The following RYR2 variants were observed in gnomAD, a reference collection of about 807,000 sequenced individuals.
RYR2 encodes cardiac muscle ryanodine receptor-calcium release channel.
Under a neutral mutation model 601.1 loss-of-function variants are expected in RYR2, and 227 were observed. The observed-to-expected ratio is 0.38, with a 90% CI of 0.34 to 0.42. The LOEUF (loss-of-function observed/expected upper bound fraction) is 0.42. RYR2 is among the 10% of genes least tolerant of loss of function. RYR2 has a pLI of 1.00. For missense variants in RYR2, 4,646 were observed against 6,156.5 expected (o/e 0.75, Z 8.21); for synonymous variants, 2,223 against 2,175.1 (o/e 1.02, Z -0.61).
intron 80 of RYR2, among the ~76,000 whole-genome samples, chr1:237,749,239 C>T (rs1183374331): frequency 6.6e-6 from 1 of 152,184 alleles, no homozygotes; most frequent in East Asian, 1.9e-4. Context: ...TAAGAGCAGA[C>T]ACTCAGATGG....
At position 237,708,993 on chromosome 1, in the gene RYR2, G is replaced by A. The variant is rs1688603399; in HGVS notation, c.10037G>A (p.Gly3346Glu). The A allele has an allele frequency of 6.2e-7, 1 of 1,613,622 alleles. No homozygotes were observed. The highest frequency in any genetic ancestry group is 8.5e-7 in the Non-Finnish European group (1 of 1,179,768). ...GACCACCTGAAAGCTGAGGCCAGGG[G>A]GGACATGTCGGAGGCAGAACTCCTC... ...EEDHLKAEAR[G>E]DMSEAELLIL... The change falls in exon 69 of 105, where the codon GGG (glycine) becomes GAG (glutamate). Residue 3346 changes from glycine (G) to glutamate (E), a missense_variant. By Grantham distance (98) the Gly-to-Glu change is moderately conservative (BLOSUM62 -2). Coordinates refer to ENST00000366574, the MANE Select transcript of RYR2 (RefSeq NM_001035.3).
rs147315723 is a variant in RYR2, at chr1:237,150,222, C to G, written c.48+107653C>G. 2.4e-3 allele frequency among the ~76,000 whole-genome samples: 361 copies of G among 152,324 alleles called. 3 individuals carry two copies. Among genetic ancestry groups the G allele is most frequent in the African/African-American group, 8.3e-3 (347 of 41,568 alleles). On this transcript the variant is annotated intron_variant, in intron 1 of 104. Transcript: ENST00000366574. Reference sequence around the variant, plus strand: ...GAGTTGGGCCTCAAGCAAGACCTGTCTGACTTCAGAGGTCACAGTCTTGAT... The same window carrying G: ...GAGTTGGGCCTCAAGCAAGACCTGTGTGACTTCAGAGGTCACAGTCTTGAT...
intron 20 of RYR2, among the ~76,000 whole-genome samples, chr1:237,497,928 C>G (rs1475592976): frequency 6.6e-6 from 1 of 151,902 alleles, no homozygotes; most frequent in Non-Finnish European, 1.5e-5. Context: ...GTGGTGCAAT[C>G]TTGGCTCATT....
chr1:237,561,320 T>C (rs1401393548), intron 27 of RYR2, among the ~76,000 whole-genome samples: 1 of 152,194 alleles, frequency 6.6e-6, no homozygotes, highest in East Asian at 1.9e-4. Context: ...AACAGCATGC[T>C]TCATAGTAGG....
intron 56 of RYR2, among the ~76,000 whole-genome samples, chr1:237,665,735 T>C (rs933404810): frequency 6.6e-6 from 1 of 152,228 alleles, no homozygotes; most frequent in Non-Finnish European, 1.5e-5. Flanking sequence ...ATAGCATATG[T>C]AACACTCACT....
At chr1:237,791,211 GT>G in intron 92 of RYR2, among the ~76,000 whole-genome samples, 1 of 152,152 alleles carries the variant, frequency 6.6e-6, no homozygotes, top group South Asian at 2.1e-4. Context: ...CTGAAATTAT[GT>G]TTTTCACTTG....
At chr1:237,643,269 C>T (rs1681754903) in intron 47 of RYR2, 58 bp from the exon 48 acceptor site, 1 of 1,588,520 alleles carries the variant, frequency 6.3e-7, no homozygotes, top group East Asian at 2.3e-5. Flanking sequence ...ATTTCCTAGA[C>T]AGAATTGTAA....
At chr1:237,806,325 A>G (rs1382655413) in intron 99 of RYR2, 42 bp downstream of exon 99, 3 of 1,565,640 alleles carry the variant, frequency 1.9e-6, no homozygotes, top group Non-Finnish European at 2.6e-6. Context: ...AAAATAAAAA[A>G]GCAACAAATA....
intron 1 of RYR2, among the ~76,000 whole-genome samples, chr1:237,047,202 G>A (rs1660699206): frequency 6.6e-6 from 1 of 152,128 alleles, no homozygotes; most frequent in African/African-American, 2.4e-5. Flanking sequence ...TCTTTATAGA[G>A]TAGATTTAAA....
Position 237,178,459 on chromosome 1 carries a change from TG to T in RYR2, c.49-92037del, listed in dbSNP as rs1467823448. On this transcript the variant is annotated intron_variant, in intron 1 of 104. Coordinates refer to ENST00000366574, the MANE Select transcript of RYR2 (RefSeq NM_001035.3). ...GTGTGTGTGTGTGTGTGTGTGTGTG[TG>T]TGTGTGTGTTTAAAAGAGATCCCTC... 5.9e-4 allele frequency among the ~76,000 whole-genome samples: 87 copies of T among 146,968 alleles called. 1 individual carries two copies. The highest frequency in any genetic ancestry group is 2.1e-3 in the African/African-American group (81 of 38,038).
chr1:237,568,915 A>AT (rs990974687), intron 28 of RYR2, among the ~76,000 whole-genome samples: 4 of 152,138 alleles, frequency 2.6e-5, no homozygotes, highest in East Asian at 1.9e-4. Flanking sequence ...TAGATTTTGG[A>AT]TTTTTTTCCC....
intron 1 of RYR2, among the ~76,000 whole-genome samples, chr1:237,065,196 A>G (rs1215407131): frequency 6.6e-6 from 1 of 151,192 alleles, no homozygotes; most frequent in Non-Finnish European, 1.5e-5. Flanking sequence ...TTTATCACCC[A>G]TAGATTCATG....
At chr1:237,168,883 C>G (rs1366673506) in intron 1 of RYR2, among the ~76,000 whole-genome samples, 8 of 152,148 alleles carry the variant, frequency 5.3e-5, no homozygotes, top group Non-Finnish European at 1.0e-4. Context: ...CCGAGTCTTT[C>G]CTCCCCATGG....
chr1:237,549,349 A>G (rs1478647169), intron 26 of RYR2, among the ~76,000 whole-genome samples: 1 of 152,084 alleles, frequency 6.6e-6, no homozygotes, highest in Non-Finnish European at 1.5e-5. Context: ...CTAAGGTGGG[A>G]GGACTGCTTG....
chr1:237,444,858 A>G (rs757188354), intron 13 of RYR2, among the ~76,000 whole-genome samples: 16 of 152,242 alleles, frequency 1.1e-4, no homozygotes, highest in Non-Finnish European at 2.4e-4. Flanking sequence ...TAGATGATTT[A>G]TAAGCATTGT....
intron 99 of RYR2, among the ~76,000 whole-genome samples, chr1:237,806,519 A>T (rs1214150147): frequency 6.6e-6 from 1 of 152,160 alleles, no homozygotes; most frequent in Admixed American, 6.5e-5. Flanking sequence ...TACATACCTT[A>T]CCAGATTTTT....
At chr1:237,523,360 A>T (rs1474823791) in intron 24 of RYR2, among the ~76,000 whole-genome samples, 1 of 152,216 alleles carries the variant, frequency 6.6e-6, no homozygotes, top group Non-Finnish European at 1.5e-5. Context: ...AATCATACCA[A>T]TCCTAACAAA....
Position 237,655,836 on chromosome 1 carries a change from C to G in RYR2, c.7981C>G (p.Leu2661Val). Residue 2661 changes from leucine to valine, a missense_variant, in exon 53 of 105, where the codon CTT becomes GTT. By Grantham distance (32) the Leu-to-Val change is conservative. Transcript: ENST00000366574. ...TTTTTCCCAGAAATATGAACAAGAA[C>G]TTTTCAAACTGGCACTGCCTTGCCT... ...ALSQKKYEQE[L>V]FKLALPCLSA... 4 of 1,595,664 alleles carry G rather than the reference C, an allele frequency of 2.5e-6. No homozygotes were observed. The highest frequency in any genetic ancestry group is 3.4e-6 in the Non-Finnish European group (4 of 1,171,882).
chr1:237,377,598 T>A (rs1313397440), intron 8 of RYR2, among the ~76,000 whole-genome samples, 163 bp downstream of exon 8: 1 of 152,230 alleles, frequency 6.6e-6, no homozygotes, highest in Non-Finnish European at 1.5e-5. Flanking sequence ...AACGGAAGAA[T>A]AATGTGATGT....
Sources: gnomAD v4.1 joint callset for allele counts (sites outside exome capture counted in the v4.1 genomes callset) on GRCh38, gnomAD v4.1.1 for gene constraint, MANE v1.5 for transcripts, NCBI Gene and HGNC (gene_info 2026-07-23, HGNC 2026-07-21) for gene names.